Variants in COL21A1 observed in about 807,000 individuals in gnomAD.
The protein encoded by COL21A1 is collagen type XXI alpha 1 chain, also known as collagen alpha-1(XXI) chain.
COL21A1 carries 149 observed loss-of-function variants against 137.9 expected under a neutral mutation model. That is an observed-to-expected ratio of 1.08 (90% CI 0.95 to 1.24). COL21A1 has a LOEUF of 1.24. Among genes scored for constraint, COL21A1 ranks in the 50% most tolerant of loss-of-function variants. The pLI, the probability that COL21A1 is intolerant of heterozygous loss-of-function variation, is 0.00. For synonymous variants in COL21A1, 456 were observed against 391.5 expected (o/e 1.16, Z -1.95); for missense variants, 1,167 against 1,158.4 (o/e 1.01, Z -0.11).
intron 1 of COL21A1, among the ~76,000 whole-genome samples, chr6:56,366,311 C>G (rs1353457558): frequency 6.6e-6 from 1 of 152,166 alleles, no homozygotes; most frequent in African/African-American, 2.4e-5. Flanking sequence ...TAACAACCCT[C>G]TCTGCAAGTC....
intron 1 of COL21A1, among the ~76,000 whole-genome samples, chr6:56,225,692 G>T (rs1399518188): frequency 6.6e-6 from 1 of 151,936 alleles, no homozygotes. Flanking sequence ...CATATTCATG[G>T]CCTTTAATTT....
intron 1 of COL21A1, among the ~76,000 whole-genome samples, chr6:56,368,663 T>C (rs1310140056): frequency 6.6e-6 from 1 of 152,212 alleles, no homozygotes; most frequent in Non-Finnish European, 1.5e-5. Flanking sequence ...TTCAGAGTTA[T>C]CTGCCATTGG....
At chr6:56,062,830 C>T (rs890590407) in intron 24 of COL21A1, among the ~76,000 whole-genome samples, 3 of 152,002 alleles carry the variant, frequency 2.0e-5, no homozygotes, top group Non-Finnish European at 4.4e-5. Flanking sequence ...CTAGGACCAA[C>T]ATAAGAGAGA....
chr6:56,257,771 T>C (rs1481702473), intron 1 of COL21A1, among the ~76,000 whole-genome samples: 1 of 152,202 alleles, frequency 6.6e-6, no homozygotes, highest in Non-Finnish European at 1.5e-5. Context: ...TATCATAAAA[T>C]ATTCTTTTAA....
intron 1 of COL21A1, among the ~76,000 whole-genome samples, chr6:56,285,360 C>T (rs1763881262): frequency 6.6e-6 from 1 of 152,158 alleles, no homozygotes; most frequent in African/African-American, 2.4e-5. Context: ...ATAGGTTCTT[C>T]TTCTTTATTA....
At chr6:56,223,334 C>T (rs1582678705) in intron 1 of COL21A1, among the ~76,000 whole-genome samples, 1 of 152,030 alleles carries the variant, frequency 6.6e-6, no homozygotes, top group Admixed American at 6.6e-5. Flanking sequence ...AAAGACTGTA[C>T]TTTCTTATTT....
intron 1 of COL21A1, among the ~76,000 whole-genome samples, chr6:56,231,592 T>C (rs1256210919): frequency 6.6e-6 from 1 of 151,884 alleles, no homozygotes; most frequent in Non-Finnish European, 1.5e-5. Context: ...TCCAATTGGC[T>C]ACCATTCTAT....
intron 17 of COL21A1, among the ~76,000 whole-genome samples, chr6:56,079,417 A>C (rs911216188): frequency 5.9e-5 from 9 of 151,662 alleles, no homozygotes; most frequent in African/African-American, 1.9e-4. Flanking sequence ...ACAGTCTGTG[A>C]TGTTAGCAGA....
chr6:56,328,721 C>T (rs574999919), intron 1 of COL21A1, among the ~76,000 whole-genome samples: 1 of 152,186 alleles, frequency 6.6e-6, no homozygotes, highest in Non-Finnish European at 1.5e-5. Context: ...AAGTACTGAA[C>T]TTTACTATTA....
intron 1 of COL21A1, among the ~76,000 whole-genome samples, chr6:56,385,676 T>C (rs2094016729): frequency 1.3e-5 from 2 of 152,136 alleles, no homozygotes; most frequent in Non-Finnish European, 2.9e-5. Flanking sequence ...AGAACATTTT[T>C]ATCACCCCAA....
At chr6:56,257,037 T>G (rs1782988957) in intron 1 of COL21A1, among the ~76,000 whole-genome samples, 1 of 152,186 alleles carries the variant, frequency 6.6e-6, no homozygotes, top group Non-Finnish European at 1.5e-5. Flanking sequence ...CATTAAACAC[T>G]GATTTACAAT....
intron 1 of COL21A1, among the ~76,000 whole-genome samples, chr6:56,260,278 A>G (rs1203524319): frequency 6.6e-6 from 1 of 152,098 alleles, no homozygotes; most frequent in African/African-American, 2.4e-5. Context: ...GTACTATTAT[A>G]TTATTACAGA....
intron 1 of COL21A1, among the ~76,000 whole-genome samples, chr6:56,196,107 G>A (rs3899395): frequency 0.31 from 47,785 of 151,940 alleles, 8,807 homozygotes; most frequent in East Asian, 0.51. Context: ...TAAAAACAAA[G>A]AATAAAATTA....
At position 56,276,618 on chromosome 6, in the gene COL21A1, T is replaced by C. The variant is rs1470644576; in HGVS notation, c.-38-93962A>G. The C allele has an allele frequency of 2.9e-5, 41 of 1,437,480 alleles. 1 individual carries two copies. Among genetic ancestry groups the C allele is most frequent in the Non-Finnish European group, 3.0e-5 (31 of 1,023,336 alleles). The allele number at this position is 1,437,480 out of a possible 1,614,324, so 89.0% of individuals were successfully genotyped here. ...ACGCCAGGGTATTCTGGCAGAAGTT[T>C]ATATTTCTCAAAATCAATTTCTGGA... is the stretch of plus-strand genomic sequence containing the variant. On this transcript the variant is annotated intron_variant, in intron 1 of 28. Transcript: ENST00000370819.
At chr6:56,091,923 G>T (rs946945323) in intron 17 of COL21A1, among the ~76,000 whole-genome samples, 2 of 151,952 alleles carry the variant, frequency 1.3e-5, no homozygotes, top group African/African-American at 4.8e-5. Flanking sequence ...ATGTTGCTCT[G>T]TCCTCACCAT....
At chr6:56,313,652 C>A (rs947037932) in intron 1 of COL21A1, among the ~76,000 whole-genome samples, 15 of 152,124 alleles carry the variant, frequency 9.9e-5, no homozygotes, top group African/African-American at 3.6e-4. Flanking sequence ...GCCCTGTCTC[C>A]AAATACAGTT....
At chr6:56,314,159 T>C (rs1483493191) in intron 1 of COL21A1, among the ~76,000 whole-genome samples, 1 of 152,128 alleles carries the variant, frequency 6.6e-6, no homozygotes, top group Non-Finnish European at 1.5e-5. Flanking sequence ...TGATTTTTTG[T>C]ATTTTAGTAG....
At position 56,338,055 on chromosome 6, in the gene COL21A1, C is replaced by T. The variant is rs1220542708; in HGVS notation, c.-39+55916G>A. 9.3e-5 allele frequency among the ~76,000 whole-genome samples: 14 copies of T among 150,684 alleles called. No individual in the cohort carries two copies. The South Asian group carries it at 1.5e-3, about 16-fold the overall frequency. On this transcript the variant is annotated intron_variant, in intron 1 of 28. Coordinates refer to the COL21A1 transcript ENST00000370819. The stretch of plus-strand genomic sequence containing the variant: ...TCGGCTCACTGCAACCTCCGCCTCC[C>T]GGGTTCAAGCGATTCTCCTGCCTCA...
At chr6:56,103,823 T>C (rs2152172747) in intron 16 of COL21A1, among the ~76,000 whole-genome samples, 1 of 152,318 alleles carries the variant, frequency 6.6e-6, no homozygotes, top group Non-Finnish European at 1.5e-5. Context: ...CTGCAGATTG[T>C]GGACCCCAAC....
Sources: gnomAD v4.1 joint callset for allele counts (sites outside exome capture counted in the v4.1 genomes callset) on GRCh38, gnomAD v4.1.1 for gene constraint, MANE v1.5 for transcripts, NCBI Gene and HGNC (gene_info 2026-07-23, HGNC 2026-07-21) for gene names.